Variants in LUZP2 observed in about 807,000 individuals in gnomAD.
LUZP2 encodes the protein leucine zipper protein 2.
A neutral mutation model predicts 51.6 loss-of-function variants in LUZP2; 52 were observed. That is an observed-to-expected ratio of 1.01 (90% CI 0.81 to 1.27). LUZP2 has a LOEUF of 1.27. Among genes scored for constraint, LUZP2 ranks in the 50% most tolerant of loss-of-function variants. The pLI, the probability that LUZP2 is intolerant of heterozygous loss-of-function variation, is 0.00. For synonymous variants in LUZP2, 154 were observed against 137.3 expected (o/e 1.12, Z -0.85); for missense variants, 436 against 395.4 (o/e 1.10, Z -0.87).
chr11:25,016,969 G>T (rs934549727), intron 9 of LUZP2, among the ~76,000 whole-genome samples: 1 of 151,742 alleles, frequency 6.6e-6, no homozygotes, highest in African/African-American at 2.4e-5. Context: ...GGGCATTATG[G>T]CTGTGGTAAG....
intron 8 of LUZP2, among the ~76,000 whole-genome samples, chr11:24,978,045 C>T (rs1267290283): frequency 6.6e-6 from 1 of 151,492 alleles, no homozygotes; most frequent in East Asian, 1.9e-4. Context: ...CAATAGTACA[C>T]TGTATACATT....
intron 9 of LUZP2, among the ~76,000 whole-genome samples, chr11:25,046,960 T>C (rs1269359662): frequency 6.6e-6 from 1 of 152,192 alleles, no homozygotes; most frequent in Non-Finnish European, 1.5e-5. Flanking sequence ...AAGTAGATTT[T>C]CTAGAATAAT....
intron 1 of LUZP2, among the ~76,000 whole-genome samples, chr11:24,696,786 A>T (rs1426576343): frequency 6.6e-6 from 1 of 152,118 alleles, no homozygotes; most frequent in Non-Finnish European, 1.5e-5. Context: ...AAGAATTTTT[A>T]TAAACAACAT....
At chr11:24,859,517 A>G (rs542314771) in intron 5 of LUZP2, among the ~76,000 whole-genome samples, 191 of 152,158 alleles carry the variant, frequency 1.3e-3, no homozygotes, top group Non-Finnish European at 2.2e-3. Context: ...CTAAAAGCAC[A>G]GTTGACAAAA....
At chr11:24,963,957 T>G (rs1855503805) in intron 7 of LUZP2, among the ~76,000 whole-genome samples, 1 of 152,230 alleles carries the variant, frequency 6.6e-6, no homozygotes, top group African/African-American at 2.4e-5. Flanking sequence ...TAGATATTGC[T>G]GCAATAAACA....
At chr11:24,683,997 G>T (rs891357971) in intron 1 of LUZP2, among the ~76,000 whole-genome samples, 1 of 151,878 alleles carries the variant, frequency 6.6e-6, no homozygotes, top group Admixed American at 6.6e-5. Flanking sequence ...CCTGATATAT[G>T]TTCTATATCA....
intron 5 of LUZP2, among the ~76,000 whole-genome samples, chr11:24,869,103 G>A (rs1851980105): frequency 6.6e-6 from 1 of 152,148 alleles, no homozygotes; most frequent in African/African-American, 2.4e-5. Flanking sequence ...AGTTTTGAGA[G>A]CCAGTGGGAT....
Position 24,826,190 on chromosome 11 carries a change from A to AATATATAT in LUZP2, c.396+62894_396+62901dup, listed in dbSNP as rs1158935544. On this transcript the variant is annotated intron_variant, in intron 5 of 11. Coordinates refer to ENST00000336930, the MANE Select transcript of LUZP2 (RefSeq NM_001009909.4). The stretch of plus-strand genomic sequence containing the variant: ...GACTCCATCTCAAAAAAAAAAAAAA[A>AATATATAT]ATATATATATATATATATAGTAAAA... 5.6e-3 allele frequency among the ~76,000 whole-genome samples: 381 copies of AATATATAT among 67,514 alleles called. 21 individuals carry two copies. Among genetic ancestry groups the AATATATAT allele is most frequent in the African/African-American group, 9.7e-3 (165 of 16,960 alleles). 44.3% of individuals were successfully genotyped at this position (67,514 alleles called of 152,430 possible).
chr11:24,976,534 T>C lies in LUZP2; in HGVS notation c.523-57T>C, dbSNP rs1855885466. 1.9e-5 allele frequency: 23 copies of C among 1,185,588 alleles called. No individual in the cohort carries two copies. The South Asian group carries it at 3.4e-4, about 17-fold the overall frequency. The allele number at this position is 1,185,588 out of a possible 1,614,324, so 73.4% of individuals were successfully genotyped here. A position where few individuals can be genotyped will look rare whatever the true frequency, so the allele number is the denominator to read the frequency against. ...TCTTTGGCAATATATGACAGATGCT[T>C]AAAGTACAGAGGGAAATTGCAGAAT... On this transcript the variant is annotated intron_variant, in intron 7 of 11. Coordinates refer to ENST00000336930, the MANE Select transcript of LUZP2 (RefSeq NM_001009909.4).
At chr11:25,026,401 A>G (rs1857493235) in intron 9 of LUZP2, among the ~76,000 whole-genome samples, 2 of 152,316 alleles carry the variant, frequency 1.3e-5, no homozygotes, top group East Asian at 3.9e-4. Flanking sequence ...TGGTATTTAC[A>G]AACTATCCTC....
rs115644798 is a variant in LUZP2, at chr11:24,514,660, A to G, written c.62+17355A>G. Among the ~76,000 whole-genome samples, 643 of 144,120 alleles carry G rather than the reference A, an allele frequency of 4.5e-3. 7 individuals are homozygous for G. The highest frequency in any genetic ancestry group is 0.017 in the African/African-American group (602 of 35,908). 94.5% of individuals were successfully genotyped at this position (144,120 alleles called of 152,430 possible). A position where few individuals can be genotyped will look rare whatever the true frequency, so the allele number is the denominator to read the frequency against. ...AAACTTTGTTAACATAATTTTCTTA[A>G]TTTATTAGTTTTTTTTCTTTTGATA... On this transcript the variant is annotated intron_variant, in intron 1 of 11. Coordinates refer to ENST00000336930, the MANE Select transcript of LUZP2 (RefSeq NM_001009909.4).
intron 5 of LUZP2, among the ~76,000 whole-genome samples, chr11:24,872,705 C>T (rs973078423): frequency 2.6e-5 from 4 of 152,002 alleles, no homozygotes; most frequent in Non-Finnish European, 5.9e-5. Context: ...AGTTTAAATT[C>T]CAGTATCAGT....
At chr11:25,067,479 C>T (rs745335674) in intron 10 of LUZP2, among the ~76,000 whole-genome samples, 1 of 151,886 alleles carries the variant, frequency 6.6e-6, no homozygotes, top group Non-Finnish European at 1.5e-5. Context: ...AATGGTATGG[C>T]CTTGGTTTTC....
At chr11:24,821,172 C>T (rs1441648135) in intron 5 of LUZP2, among the ~76,000 whole-genome samples, 1 of 152,072 alleles carries the variant, frequency 6.6e-6, no homozygotes, top group African/African-American at 2.4e-5. Context: ...ATGTAGCTGT[C>T]TTCTTGTTCG....
intron 1 of LUZP2, among the ~76,000 whole-genome samples, chr11:24,682,616 GTA>G (rs371555768): frequency 9.0e-5 from 13 of 144,020 alleles, no homozygotes; most frequent in South Asian, 4.4e-4. Context: ...ATGTGTATGT[GTA>G]TATATATATA....
rs11385657 is a variant in LUZP2 at position 24,710,760 on chromosome 11, A to ATT, written c.63-18402_63-18401dup. On this transcript the variant is annotated intron_variant, in intron 1 of 11. Transcript: ENST00000336930. ...CATGTCTTCAGTGTAAATTTATCACATTTTTTTTGCAATTATGTATTTGTT... is the reference window on the plus strand; with the variant it reads ...CATGTCTTCAGTGTAAATTTATCACATTTTTTTTTTGCAATTATGTATTTGTT... Among the ~76,000 whole-genome samples the ATT allele has an allele frequency of 2.8e-4, 43 of 151,848 alleles. 1 individual carries two copies. The highest frequency in any genetic ancestry group is 9.7e-4 in the East Asian group (5 of 5,166).
chr11:24,885,424 CA>C (rs1852638381), intron 5 of LUZP2, among the ~76,000 whole-genome samples: 1 of 151,956 alleles, frequency 6.6e-6, no homozygotes, highest in Non-Finnish European at 1.5e-5. Context: ...AAAGAGAAAA[CA>C]AGGACTCAAG....
rs183510052 is a variant in LUZP2 at position 24,626,806 on chromosome 11, A to G, written c.63-102363A>G. 2.0e-4 allele frequency among the ~76,000 whole-genome samples: 30 copies of G among 152,312 alleles called. No individual in the cohort carries two copies. In the East Asian group the frequency reaches 3.9e-3, roughly 20 times the overall value. On this transcript the variant is annotated intron_variant, in intron 1 of 11. Transcript: ENST00000336930. ...ATCAACATTAAACTAATTAATAGAC[A>G]TCATGAAATTGAGAATCTGCTTCAC... is the stretch of plus-strand genomic sequence containing the variant.
intron 7 of LUZP2, among the ~76,000 whole-genome samples, chr11:24,961,987 T>G (rs1240246251): frequency 3.9e-5 from 6 of 151,968 alleles, no homozygotes; most frequent in African/African-American, 9.7e-5. Flanking sequence ...TAAAGTATTT[T>G]ATTTCTCCTT....
Sources: allele counts gnomAD v4.1 joint callset (sites outside exome capture counted in the v4.1 genomes callset), GRCh38; gene constraint gnomAD v4.1.1; transcripts MANE v1.5; gene names NCBI Gene and HGNC (gene_info 2026-07-23, HGNC 2026-07-21).